Variants in TXK observed in about 807,000 individuals in gnomAD.
The protein encoded by TXK is tyrosine-protein kinase TXK.
TXK carries 60 observed loss-of-function variants against 81.0 expected under a neutral mutation model. That is an observed-to-expected ratio of 0.74 (90% CI 0.60 to 0.92). The LOEUF is 0.92. Ranked by LOEUF, TXK falls within the 40% of genes least tolerant of loss-of-function variation. The probability of loss-of-function intolerance (pLI) is 0.00; values close to 1 mark genes in which losing one functional copy is unlikely to be tolerated. For missense variants in TXK, 581 were observed against 638.3 expected (o/e 0.91, Z 0.97); for synonymous variants, 203 against 210.7 (o/e 0.96, Z 0.32).
intron 5 of TXK, among the ~76,000 whole-genome samples, chr4:48,105,808 T>G (rs959613001): frequency 6.6e-6 from 1 of 152,188 alleles, no homozygotes; most frequent in African/African-American, 2.4e-5. Context: ...TTCAGTCTCA[T>G]TGGAATTATT....
Position 48,112,413 on chromosome 4 carries a change from C to T in TXK, c.274G>A (p.Asp92Asn), listed in dbSNP as rs757604544. ...TTACAGGGTTCTCTGGGCAGAAAATCATAAAGTGCCTTGACTTGGATCTTC... is the reference window on the plus strand; with the variant it reads ...TTACAGGGTTCTCTGGGCAGAAAATTATAAAGTGCCTTGACTTGGATCTTC... ...EEKIQVKALYDFLPREPCNLA... is the reference protein window; with the variant it reads ...EEKIQVKALYNFLPREPCNLA... Residue 92 changes from aspartate (D) to asparagine (N), a missense_variant, in exon 4 of 15, where the codon GAT (aspartate) becomes AAT (asparagine). Transcript: ENST00000264316. 1.2e-6 allele frequency: 2 copies of T among 1,614,186 alleles called. No homozygotes were observed. The highest frequency in any genetic ancestry group is 3.3e-5 in the Admixed American group (2 of 60,026).
intron 5 of TXK, among the ~76,000 whole-genome samples, chr4:48,107,899 TAAAAAAAAAA>T (rs57715867): frequency 3.1e-5 from 4 of 128,804 alleles, no homozygotes; most frequent in East Asian, 2.1e-4. Flanking sequence ...TGTCTCTACT[TAAAAAAAAAA>T]AAAAAAAAAA....
At chr4:48,111,086 C>G (rs1718619298) in intron 4 of TXK, among the ~76,000 whole-genome samples, 2 of 152,154 alleles carry the variant, frequency 1.3e-5, no homozygotes, top group South Asian at 4.1e-4. Flanking sequence ...ACGGGAATTG[C>G]TAAGTCACGG....
chr4:48,075,031 T>C (rs575059631), intron 12 of TXK, among the ~76,000 whole-genome samples: 1 of 151,966 alleles, frequency 6.6e-6, no homozygotes, highest in South Asian at 2.1e-4. Flanking sequence ...CACCACTATC[T>C]AGAAAAAGAT....
Position 48,080,055 on chromosome 4 carries a change from C to G in TXK, c.1030G>C (p.Glu344Gln). Reference protein sequence around the residue: ...IQRKPLYIVTEFMENGCLLNY... With the variant: ...IQRKPLYIVTQFMENGCLLNY... ...AGCAGGCAGCCATTTTCCATGAACT[C>G]TGTCACAATGTAAAGGGGCTTCCGC... Residue 344 changes from glutamate to glutamine, a missense_variant, in exon 11 of 15, where the codon GAG becomes CAG. Glu to Gln is a conservative substitution (Grantham distance 29). Coordinates refer to ENST00000264316, the MANE Select transcript of TXK (RefSeq NM_003328.3). 1 of 1,614,082 alleles carries G rather than the reference C, an allele frequency of 6.2e-7. No individual in the cohort carries two copies. Among genetic ancestry groups the G allele is most frequent in the Non-Finnish European group, 8.5e-7 (1 of 1,180,004 alleles).
At chr4:48,097,066 A>G (rs1287123796) in intron 6 of TXK, among the ~76,000 whole-genome samples, 2 of 152,192 alleles carry the variant, frequency 1.3e-5, no homozygotes, top group African/African-American at 4.8e-5. Flanking sequence ...AGTAGAAGAA[A>G]TAAATTAATA....
At chr4:48,113,739 C>T (rs1433208461) in intron 2 of TXK, among the ~76,000 whole-genome samples, 1 of 151,998 alleles carries the variant, frequency 6.6e-6, no homozygotes, top group African/African-American at 2.4e-5. Flanking sequence ...CCAGCTCCAC[C>T]ATTTCATAGT....
At chr4:48,105,068 G>A (rs1383723365) in intron 5 of TXK, 113 bp from the exon 6 acceptor site, 3 of 668,046 alleles carry the variant, frequency 4.5e-6, no homozygotes, top group Non-Finnish European at 7.4e-6. Flanking sequence ...TTAGAAAGTT[G>A]AGTGTTTTTT....
At chr4:48,102,534 A>G (rs2109450105) in intron 6 of TXK, among the ~76,000 whole-genome samples, 1 of 152,352 alleles carries the variant, frequency 6.6e-6, no homozygotes, top group African/African-American at 2.4e-5. Flanking sequence ...CTCATTCACC[A>G]CAAGAGCGTA....
chr4:48,118,907 G>A (rs1577679507), intron 1 of TXK, among the ~76,000 whole-genome samples: 1 of 152,168 alleles, frequency 6.6e-6, no homozygotes, highest in East Asian at 1.9e-4. Context: ...ACTTTGAAAG[G>A]GTTATTTATA....
At chr4:48,124,018 C>CT (rs1719022815) in intron 1 of TXK, among the ~76,000 whole-genome samples, 1 of 152,178 alleles carries the variant, frequency 6.6e-6, no homozygotes, top group African/African-American at 2.4e-5. Flanking sequence ...TCCCAAAGCA[C>CT]CTATGCCCTG....
chr4:48,068,682 C>T (rs1247064247), intron 14 of TXK, among the ~76,000 whole-genome samples: 1 of 152,164 alleles, frequency 6.6e-6, no homozygotes, highest in African/African-American at 2.4e-5. Context: ...TGTGGTTTAG[C>T]TCTGATTCCA....
At chr4:48,091,733 G>A (rs1286051312) in intron 8 of TXK, among the ~76,000 whole-genome samples, 2 of 152,116 alleles carry the variant, frequency 1.3e-5, no homozygotes, top group African/African-American at 4.8e-5. Flanking sequence ...TTAAACTCCT[G>A]ACCTCAGGTG....
At chr4:48,121,843 G>A (rs1170489231) in intron 1 of TXK, among the ~76,000 whole-genome samples, 3 of 151,930 alleles carry the variant, frequency 2.0e-5, no homozygotes, top group African/African-American at 7.3e-5. Flanking sequence ...AAAAAGTTTT[G>A]GAGATAGAGA....
intron 3 of TXK, among the ~76,000 whole-genome samples, chr4:48,112,752 A>AT (rs1055019028): frequency 2.0e-5 from 3 of 151,830 alleles, no homozygotes; most frequent in Non-Finnish European, 2.9e-5. Context: ...ATTTTACTGG[A>AT]TTTTTTTTCA....
At chr4:48,074,988 G>C (rs1717009533) in intron 12 of TXK, among the ~76,000 whole-genome samples, 1 of 152,056 alleles carries the variant, frequency 6.6e-6, no homozygotes, top group African/African-American at 2.4e-5. Context: ...GCCATGAACA[G>C]GAGTGAGATC....
intron 1 of TXK, among the ~76,000 whole-genome samples, chr4:48,120,492 T>C (rs1369055819): frequency 7.0e-6 from 1 of 143,720 alleles, no homozygotes; most frequent in African/African-American, 2.5e-5. Context: ...AATAAGTCTC[T>C]TTTTTTTTTT....
intron 11 of TXK, among the ~76,000 whole-genome samples, chr4:48,078,805 TA>T (rs1314244246): frequency 6.6e-6 from 1 of 152,234 alleles, no homozygotes; most frequent in Non-Finnish European, 1.5e-5. Flanking sequence ...ATTCTTTATA[TA>T]AAGTGGAGAC....
intron 1 of TXK, among the ~76,000 whole-genome samples, chr4:48,128,325 C>T (rs572392659): frequency 3.9e-5 from 6 of 152,264 alleles, no homozygotes; most frequent in Admixed American, 2.0e-4. Context: ...CCAAGCCAGG[C>T]GCTCCAGGTT....
Sources: gnomAD v4.1 joint callset for allele counts (sites outside exome capture counted in the v4.1 genomes callset) on GRCh38, gnomAD v4.1.1 for gene constraint, MANE v1.5 for transcripts, NCBI Gene and HGNC (gene_info 2026-07-23, HGNC 2026-07-21) for gene names.